The following CDH22 variants were observed in gnomAD, a reference collection of about 807,000 sequenced individuals.
The protein encoded by CDH22 is cadherin-22.
Under a neutral mutation model 58.4 loss-of-function variants are expected in CDH22, and 30 were observed. The ratio of observed to expected loss-of-function variants is 0.51; its 90% CI spans 0.38 to 0.70. CDH22 has a LOEUF of 0.70. CDH22 is among the 30% of genes least tolerant of loss of function. CDH22 has a pLI of 0.00. For missense variants in CDH22, 1,014 were observed against 1,233.9 expected, an observed-to-expected ratio of 0.82 and a Z score of 2.67; for synonymous variants, 513 against 558.2, an observed-to-expected ratio of 0.92 and a Z score of 1.14.
chr20:46,178,589 T>C, intron 10 of CDH22, among the ~76,000 whole-genome samples: 1 of 136,204 alleles, frequency 7.3e-6, no homozygotes, highest in East Asian at 2.0e-4. Flanking sequence ...GCGTTGTCTT[T>C]TTTTTTTTTT....
At chr20:46,265,060 G>A (rs1756058277) in intron 1 of CDH22, among the ~76,000 whole-genome samples, 1 of 152,148 alleles carries the variant, frequency 6.6e-6, no homozygotes, top group East Asian at 1.9e-4. Flanking sequence ...CGGTGCCACC[G>A]GCAGAGCCGT....
Position 46,236,593 on chromosome 20 carries a change from A to AATATATT in CDH22, c.550+4363_550+4369dup, listed in dbSNP as rs1053558828. On this transcript the variant is annotated intron_variant, in intron 3 of 11. Coordinates refer to ENST00000537909, the MANE Select transcript of CDH22 (RefSeq NM_021248.3). ...TATATTATATATAAATATAATATAT[A>AATATATT]ATATATTATATATAGATATATATTA... is the stretch of plus-strand genomic sequence containing the variant. 2.8e-5 allele frequency among the ~76,000 whole-genome samples: 4 copies of AATATATT among 143,016 alleles called. No homozygotes were observed. In the South Asian group the frequency reaches 6.4e-4, roughly 23 times the overall value. 93.8% of individuals were successfully genotyped at this position (143,016 alleles called of 152,430 possible). A position where few individuals can be genotyped will look rare whatever the true frequency, so the allele number is the denominator to read the frequency against.
At chr20:46,239,673 G>A (rs1027105482) in intron 3 of CDH22, among the ~76,000 whole-genome samples, 12 of 152,358 alleles carry the variant, frequency 7.9e-5, no homozygotes, top group African/African-American at 1.2e-4. Flanking sequence ...GCAATGGAGC[G>A]TGGCTTAGGA....
rs116830785 is a variant in CDH22 at position 46,205,408 on chromosome 20, G to A, written c.1286+4899C>T. Reference sequence around the variant, plus strand: ...TGTCTATTTTAGAGATGGGGAAACCGAGGCTCAGAGGGGGTGCATTGACTT... The same window carrying A: ...TGTCTATTTTAGAGATGGGGAAACCAAGGCTCAGAGGGGGTGCATTGACTT... On this transcript the variant is annotated intron_variant, in intron 7 of 11. Transcript: ENST00000537909. Among the ~76,000 whole-genome samples the A allele has an allele frequency of 1.1e-3, 175 of 152,288 alleles. 1 individual carries two copies. Among genetic ancestry groups the A allele is most frequent in the African/African-American group, 4.2e-3 (173 of 41,552 alleles).
intron 1 of CDH22, among the ~76,000 whole-genome samples, chr20:46,294,444 G>T (rs911785183): frequency 6.6e-6 from 1 of 152,210 alleles, no homozygotes; most frequent in African/African-American, 2.4e-5. Flanking sequence ...GCTTCCCAGG[G>T]GTGGTAGGAG....
intron 7 of CDH22, among the ~76,000 whole-genome samples, chr20:46,200,711 T>C (rs563020942): frequency 6.6e-6 from 1 of 152,076 alleles, no homozygotes; most frequent in Non-Finnish European, 1.5e-5. Context: ...ATCCCAGAAA[T>C]GGCAAACACT....
chr20:46,239,043 T>G (rs2086272777), intron 3 of CDH22, among the ~76,000 whole-genome samples: 1 of 152,234 alleles, frequency 6.6e-6, no homozygotes, highest in Non-Finnish European at 1.5e-5. Flanking sequence ...TGGAATGCTC[T>G]TCCCCCCAGG....
At chr20:46,193,044 A>T (rs1360953646) in intron 8 of CDH22, among the ~76,000 whole-genome samples, 1 of 151,964 alleles carries the variant, frequency 6.6e-6, no homozygotes, top group Non-Finnish European at 1.5e-5. Flanking sequence ...TATTCCTCCA[A>T]GGAAGGGGTG....
chr20:46,206,216 G>A (rs1035476344), intron 7 of CDH22, among the ~76,000 whole-genome samples: 1 of 152,186 alleles, frequency 6.6e-6, no homozygotes, highest in Non-Finnish European at 1.5e-5. Flanking sequence ...GAGTGAAATG[G>A]CCAAAGGCTG....
chr20:46,205,791 C>G (rs1471838757), intron 7 of CDH22, among the ~76,000 whole-genome samples: 1 of 152,180 alleles, frequency 6.6e-6, no homozygotes, highest in Non-Finnish European at 1.5e-5. Flanking sequence ...AGCCTGTCTC[C>G]AAGTGCTCCC....
intron 10 of CDH22, among the ~76,000 whole-genome samples, chr20:46,184,590 T>G (rs1014576436): frequency 1.3e-5 from 2 of 152,232 alleles, no homozygotes; most frequent in African/African-American, 4.8e-5. Flanking sequence ...CTCACTAGAA[T>G]ATAAACTAGG....
At position 46,216,456 on chromosome 20, in the gene CDH22, G is replaced by A. The variant is rs539858386; in HGVS notation, c.838+370C>T. 8.7e-4 allele frequency among the ~76,000 whole-genome samples: 132 copies of A among 152,304 alleles called. No homozygotes were observed. The highest frequency in any genetic ancestry group is 1.4e-3 in the Non-Finnish European group (97 of 68,028). On this transcript the variant is annotated intron_variant, in intron 5 of 11. Transcript: ENST00000537909. This position sits in a 1 kb window ranked among gnomAD's most constrained non-coding sequence, Gnocchi z 5.3. ...CTTCCCTCTGCAAGCCTAGGTCAGC[G>A]GCATGGGATGGCCCAACAAGTGGCT...
intron 1 of CDH22, among the ~76,000 whole-genome samples, chr20:46,306,665 G>C (rs577536116): frequency 6.6e-6 from 1 of 152,314 alleles, no homozygotes; most frequent in East Asian, 1.9e-4. Flanking sequence ...AATGGCTGGG[G>C]CAGGGAACAG....
intron 3 of CDH22, among the ~76,000 whole-genome samples, chr20:46,234,489 C>T (rs2086240568): frequency 6.6e-6 from 1 of 152,208 alleles, no homozygotes. Flanking sequence ...GAAAGCAGTG[C>T]TTGCTGATAG....
In CDH22 at chr20:46,300,437, A is replaced by T. The variant is rs943306078; in HGVS notation, c.-400+7818T>A. The stretch of plus-strand genomic sequence containing the variant: ...CAGCCTGCCCGGGCCCATCCACCTT[A>T]TGTCCCCCGCCTGCCTGGTGCCTGT... On this transcript the variant is annotated intron_variant, in intron 1 of 11. Transcript: ENST00000537909. The surrounding 1 kb of genome is among the most constrained non-coding windows in gnomAD (Gnocchi z 4.4). 6.6e-6 allele frequency among the ~76,000 whole-genome samples: 1 copy of T among 151,592 alleles called. No individual in the cohort carries two copies. Among genetic ancestry groups the T allele is most frequent in the Non-Finnish European group, 1.5e-5 (1 of 67,880 alleles).
rs1175448903 is a variant in CDH22, at chr20:46,186,801, C to A, written c.1545+25G>T. On this transcript the variant is annotated intron_variant, in intron 9 of 11. Coordinates refer to ENST00000537909, the MANE Select transcript of CDH22 (RefSeq NM_021248.3). Reference sequence around the variant, plus strand: ...TGCTGGCCAGTCCTGGAAGCAACGCCCAGTCCCCACCCCCTCAGGGGTACC... The same window carrying A: ...TGCTGGCCAGTCCTGGAAGCAACGCACAGTCCCCACCCCCTCAGGGGTACC... 8 of 1,596,226 alleles carry A rather than the reference C, an allele frequency of 5.0e-6. 1 individual carries two copies. In the South Asian group the frequency reaches 8.0e-5, roughly 16 times the overall value.
At chr20:46,294,962 T>C (rs2086622191) in intron 1 of CDH22, among the ~76,000 whole-genome samples, 1 of 152,230 alleles carries the variant, frequency 6.6e-6, no homozygotes, top group Non-Finnish European at 1.5e-5. Flanking sequence ...GAGGGGTTTC[T>C]TCTTCACACC....
intron 7 of CDH22, among the ~76,000 whole-genome samples, chr20:46,207,317 G>A (rs2086008380): frequency 6.6e-6 from 1 of 152,220 alleles, no homozygotes; most frequent in Admixed American, 6.5e-5. Context: ...GGTGTGGAGA[G>A]TGGAATTGGA....
intron 1 of CDH22, among the ~76,000 whole-genome samples, chr20:46,302,101 C>T (rs1262071866): frequency 2.0e-5 from 3 of 152,228 alleles, no homozygotes; most frequent in Non-Finnish European, 2.9e-5. Context: ...CCTCTCCTCA[C>T]ACCCAAATTT....
Sources: allele counts gnomAD v4.1 joint callset (sites outside exome capture counted in the v4.1 genomes callset), GRCh38; gene constraint gnomAD v4.1.1; non-coding constraint Gnocchi (gnomAD v3.1); transcripts MANE v1.5; gene names NCBI Gene and HGNC (gene_info 2026-07-23, HGNC 2026-07-21).